The following NAV1 variants were observed in gnomAD, a reference collection of about 807,000 sequenced individuals.
NAV1 encodes neuron navigator 1.
A neutral mutation model predicts 175.2 loss-of-function variants in NAV1; 18 were observed. That is an observed-to-expected ratio of 0.10 (90% confidence interval 0.07 to 0.15). The LOEUF (loss-of-function observed/expected upper bound fraction) is 0.15. Among genes scored for constraint, NAV1 ranks in the 10% least tolerant of loss-of-function variants. The probability of loss-of-function intolerance (pLI) is 1.00; values close to 1 mark genes in which losing one functional copy is unlikely to be tolerated. For synonymous variants in NAV1, 897 were observed against 978.7 expected (o/e 0.92, Z 1.56); for missense variants, 1,731 against 2,436.6 (o/e 0.71, Z 6.10).
chr1:201,755,089 C>T (rs564551159), intron 3 of NAV1, among the ~76,000 whole-genome samples: 1 of 152,162 alleles, frequency 6.6e-6, no homozygotes, highest in Non-Finnish European at 1.5e-5. Context: ...TACTTAATAC[C>T]TTGCCTTAAA....
chr1:201,657,899 G>A (rs1669466130), intron 1 of NAV1, among the ~76,000 whole-genome samples: 1 of 152,122 alleles, frequency 6.6e-6, no homozygotes, highest in African/African-American at 2.4e-5. Context: ...CAGGAGTGGT[G>A]GCTCACACCT....
intron 1 of NAV1, among the ~76,000 whole-genome samples, chr1:201,586,986 T>G (rs78132700): frequency 0.019 from 2,916 of 152,234 alleles, 96 homozygotes; most frequent in African/African-American, 0.067. Context: ...CAAGGCTCAC[T>G]TGAGCCCAGG....
At chr1:201,587,964 G>A (rs1460006508) in intron 1 of NAV1, among the ~76,000 whole-genome samples, 3 of 152,180 alleles carry the variant, frequency 2.0e-5, no homozygotes, top group Non-Finnish European at 4.4e-5. Flanking sequence ...GATTGTTAGT[G>A]GAAATGTAAA....
chr1:201,694,051 G>T lies in NAV1; in HGVS notation c.758-18766G>T, dbSNP rs1255381585. ...GTGTCCCCCAGTTTGGCTTCCTGGT[G>T]GGGGAGGGGACACACACAGACATCA... On this transcript the variant is annotated intron_variant, in intron 1 of 29. Coordinates refer to ENST00000367296, the Ensembl canonical transcript of NAV1. This position sits in a 1 kb window ranked among gnomAD's most constrained non-coding sequence, Gnocchi z 4.2. Among the ~76,000 whole-genome samples, 5 of 152,200 alleles carry T rather than the reference G, an allele frequency of 3.3e-5. No homozygotes were observed. The highest frequency in any genetic ancestry group is 4.8e-5 in the African/African-American group (2 of 41,448).
chr1:201,819,825 G>A lies in NAV1; in HGVS notation c.5539-12G>A, dbSNP rs560451415. ...CCAACTCTCATAAATCCATCTTTTT[G>A]CCCCCCTTTAGATGGCCATGCTGCT... On this transcript the variant is annotated splice_polypyrimidine_tract_variant and intron_variant, in intron 29 of 29. Coordinates refer to ENST00000367296, the Ensembl canonical transcript of NAV1. 2 of 1,612,436 alleles carry A rather than the reference G, an allele frequency of 1.2e-6. No homozygotes were observed. Among genetic ancestry groups the A allele is most frequent in the African/African-American group, 1.3e-5 (1 of 74,746 alleles).
intron 1 of NAV1, among the ~76,000 whole-genome samples, chr1:201,625,417 G>A (rs539675792): frequency 5.3e-5 from 8 of 152,180 alleles, no homozygotes; most frequent in African/African-American, 1.9e-4. Flanking sequence ...TGACCGGAAG[G>A]CAGTGAACTC....
chr1:201,657,757 G>T (rs1336511), intron 1 of NAV1, among the ~76,000 whole-genome samples: 7 of 152,106 alleles, frequency 4.6e-5, no homozygotes, highest in African/African-American at 1.4e-4. Flanking sequence ...TCTGGCCAGG[G>T]AAAGTGGTTC....
intron 1 of NAV1, among the ~76,000 whole-genome samples, chr1:201,664,593 A>G (rs977724201): frequency 6.6e-6 from 1 of 152,176 alleles, no homozygotes; most frequent in African/African-American, 2.4e-5. Context: ...CCACTCCACT[A>G]TGTGGGTTTA....
intron 3 of NAV1, among the ~76,000 whole-genome samples, chr1:201,746,074 C>A (rs1296468607): frequency 6.6e-6 from 1 of 152,106 alleles, no homozygotes; most frequent in Non-Finnish European, 1.5e-5. Flanking sequence ...GCAATCCACC[C>A]ACCTCAGCCT....
chr1:201,750,513 A>G lies in NAV1; in HGVS notation c.1227-29908A>G, dbSNP rs914383301. The stretch of plus-strand genomic sequence containing the variant: ...GTTAGTAAAAACGATTGCTCTTCTT[A>G]AAAAAGGGCTTGCAAGCCACCAGAT... On this transcript the variant is annotated intron_variant, in intron 3 of 29. Transcript: ENST00000367296. The surrounding 1 kb of genome is among the most constrained non-coding windows in gnomAD (Gnocchi z 4.1). 6.6e-6 allele frequency among the ~76,000 whole-genome samples: 1 copy of G among 152,066 alleles called. No individual in the cohort carries two copies. Among genetic ancestry groups the G allele is most frequent in the African/African-American group, 2.4e-5 (1 of 41,404 alleles).
chr1:201,668,328 G>A (rs1669905791), intron 1 of NAV1, among the ~76,000 whole-genome samples: 1 of 152,112 alleles, frequency 6.6e-6, no homozygotes, highest in Non-Finnish European at 1.5e-5. Flanking sequence ...AGTGAGCTTT[G>A]CTTCCACACC....
At chr1:201,771,907 C>T (rs528762260) in intron 3 of NAV1, among the ~76,000 whole-genome samples, 18 of 152,190 alleles carry the variant, frequency 1.2e-4, no homozygotes, top group Admixed American at 3.9e-4. Flanking sequence ...TTAATAAATT[C>T]CCCCAACCCC....
intron 1 of NAV1, among the ~76,000 whole-genome samples, chr1:201,571,967 G>A (rs1666557227): frequency 6.6e-6 from 1 of 152,198 alleles, no homozygotes; most frequent in Non-Finnish European, 1.5e-5. Context: ...TGTGCCTAAT[G>A]CACCCATAAG....
At chr1:201,755,270 C>T (rs1196297037) in intron 3 of NAV1, among the ~76,000 whole-genome samples, 1 of 151,980 alleles carries the variant, frequency 6.6e-6, no homozygotes, top group African/African-American at 2.4e-5. Context: ...TTGAGGCCCC[C>T]CCTCTACAAA....
rs534335777 is a variant in NAV1 at position 201,817,737 on chromosome 1, A to T, written c.5538+452A>T. On this transcript the variant is annotated intron_variant, in intron 29 of 29. Coordinates refer to ENST00000367296, the Ensembl canonical transcript of NAV1. Reference sequence around the variant, plus strand: ...ATATCAACCAAAGAAGTAGAGCAGTAGGGCACACTAGCACTCTCTCTACTT... The same window carrying T: ...ATATCAACCAAAGAAGTAGAGCAGTTGGGCACACTAGCACTCTCTCTACTT... Among the ~76,000 whole-genome samples, 12 of 152,294 alleles carry T rather than the reference A, an allele frequency of 7.9e-5. No homozygotes were observed. In the South Asian group the frequency reaches 2.5e-3, roughly 32 times the overall value.
At chr1:201,653,811 G>A (rs1215664397) in intron 1 of NAV1, among the ~76,000 whole-genome samples, 5 of 152,204 alleles carry the variant, frequency 3.3e-5, no homozygotes, top group East Asian at 1.9e-4. Flanking sequence ...GCAGGAGGAA[G>A]GGCTGTGGCA....
chr1:201,682,293 A>G (rs917046183), intron 1 of NAV1, among the ~76,000 whole-genome samples: 1 of 152,126 alleles, frequency 6.6e-6, no homozygotes, highest in East Asian at 1.9e-4. Context: ...CTCAAAAAAA[A>G]AAAGAAAGAG....
chr1:201,579,368 T>A (rs1666781739), intron 1 of NAV1, among the ~76,000 whole-genome samples: 2 of 152,140 alleles, frequency 1.3e-5, no homozygotes, highest in South Asian at 4.1e-4. Flanking sequence ...ACCCTTTTTT[T>A]ATTTTGAGAC....
chr1:201,795,985 G>A (rs1361756811), intron 15 of NAV1: 2 of 152,124 alleles, frequency 1.3e-5, no homozygotes, highest in African/African-American at 2.4e-5. Flanking sequence ...TCCATGTTGT[G>A]TCATGTATCC....
Sources: allele counts gnomAD v4.1 joint callset (sites outside exome capture counted in the v4.1 genomes callset), GRCh38; gene constraint gnomAD v4.1.1; non-coding constraint Gnocchi (gnomAD v3.1); transcripts MANE v1.5; gene names NCBI Gene and HGNC (gene_info 2026-07-23, HGNC 2026-07-21).